DOCK4: variants seen among roughly 807,000 people sequenced by gnomAD.
The protein encoded by DOCK4 is dedicator of cytokinesis protein 4.
DOCK4 carries 97 observed loss-of-function variants against 268.1 expected under a neutral mutation model. The observed-to-expected ratio is 0.36, with a 90% CI of 0.31 to 0.43. DOCK4 has a LOEUF of 0.43. DOCK4 is among the 20% of genes least tolerant of loss of function. The pLI is 1.00. For synonymous variants in DOCK4, 954 were observed against 887.2 expected, an observed-to-expected ratio of 1.08 and a Z score of -1.34; for missense variants, 2,145 against 2,455.7, an observed-to-expected ratio of 0.87 and a Z score of 2.67.
intron 30 of DOCK4, chr7:111,801,690 T>C (rs1719664289): frequency 8.3e-6 from 1 of 120,476 alleles, no homozygotes; most frequent in Admixed American, 7.5e-5. Flanking sequence ...TTTTTTCCTT[T>C]TTTTTTTTTT....
At chr7:111,784,466 G>A (rs1352569633) in intron 32 of DOCK4, 6 of 523,088 alleles carry the variant, frequency 1.1e-5, no homozygotes, top group African/African-American at 3.8e-5. Flanking sequence ...CTGGTATGAC[G>A]TTTTGCGTTT....
At chr7:111,780,102 G>A (rs1328545667) in intron 35 of DOCK4, among the ~76,000 whole-genome samples, 1 of 152,144 alleles carries the variant, frequency 6.6e-6, no homozygotes, top group African/African-American at 2.4e-5. Context: ...ATAATGGACC[G>A]ATCTAGCAAA....
At chr7:111,810,243 G>C (rs1421147061) in intron 28 of DOCK4, among the ~76,000 whole-genome samples, 1 of 151,918 alleles carries the variant, frequency 6.6e-6, no homozygotes, top group Non-Finnish European at 1.5e-5. Context: ...CACAAGGTCA[G>C]GAGTTCGAGA....
chr7:111,858,310 T>C (rs1334223967), intron 23 of DOCK4, among the ~76,000 whole-genome samples: 1 of 152,244 alleles, frequency 6.6e-6, no homozygotes, highest in Non-Finnish European at 1.5e-5. Flanking sequence ...TCTGCTTTTT[T>C]CTCCTTGGGA....
At chr7:112,085,402 C>A (rs1380331088) in intron 1 of DOCK4, among the ~76,000 whole-genome samples, 1 of 147,682 alleles carries the variant, frequency 6.8e-6, no homozygotes, top group Non-Finnish European at 1.5e-5. Flanking sequence ...GATTGAAAGA[C>A]ATCTAATATA....
intron 13 of DOCK4, among the ~76,000 whole-genome samples, chr7:111,915,396 C>T (rs1029523278): frequency 6.6e-6 from 1 of 152,122 alleles, no homozygotes. Flanking sequence ...CTTAGGATAT[C>T]CTCTAAGCAT....
At position 111,877,079 on chromosome 7, in the gene DOCK4, C is replaced by G. The variant is rs149771026; in HGVS notation, c.1695G>C (p.Glu565Asp). Reference sequence around the variant, plus strand: ...AGAGAAAAGATGTAATACAAAAGGACTCCTTTGTGGCCTTCATGGCTTGAT... The same window carrying G: ...AGAGAAAAGATGTAATACAAAAGGAGTCCTTTGTGGCCTTCATGGCTTGAT... ...NNNQAMKATKESFCITSFLCS... is the reference protein window; with the variant it reads ...NNNQAMKATKDSFCITSFLCS... Residue 565 changes from glutamate to aspartate, a missense_variant, in exon 17 of 53, where the codon GAG (glutamate) becomes GAC (aspartate). By Grantham distance (45) the Glu-to-Asp change is conservative. This residue lies in a region of DOCK4 where 1,598 missense variants were observed against 1,986.7 expected (regional missense o/e 0.80). Coordinates refer to ENST00000428084, the MANE Select transcript of DOCK4 (RefSeq NM_001363540.2). 6.3e-7 allele frequency: 1 copy of G among 1,578,352 alleles called. No homozygotes were observed. The highest frequency in any genetic ancestry group is 1.2e-5 in the South Asian group (1 of 84,398).
At position 111,936,489 on chromosome 7, in the gene DOCK4, G is replaced by GGATGA. The variant is rs1562910756; in HGVS notation, c.978-862_978-861insTCATC. On this transcript the variant is annotated intron_variant, in intron 11 of 52. Transcript: ENST00000428084. Reference sequence around the variant, plus strand: ...TTAAAAACTGTCAGTGGTATGAATGGATGGATGGATGGATGGATGGATGGA... The same window carrying GGATGA: ...TTAAAAACTGTCAGTGGTATGAATGGGATGAATGGATGGATGGATGGATGGATGGA... Among the ~76,000 whole-genome samples the GGATGA allele has an allele frequency of 6.1e-5, 4 of 65,758 alleles. No individual in the cohort carries two copies. The African/African-American group carries it at 7.4e-4, about 12-fold the overall frequency. The allele number at this position is 65,758 out of a possible 152,430, so 43.1% of individuals were successfully genotyped here.
chr7:112,062,434 T>C (rs1806506691), intron 1 of DOCK4, among the ~76,000 whole-genome samples: 1 of 152,180 alleles, frequency 6.6e-6, no homozygotes, highest in East Asian at 1.9e-4. Flanking sequence ...AATCTTATAT[T>C]CCAAAGTGAA....
In DOCK4 at chr7:111,872,493, C is replaced by G; in HGVS notation, c.1816G>C (p.Glu606Gln). The G allele has an allele frequency of 1.2e-6, 2 of 1,600,844 alleles. No individual in the cohort carries two copies. Among genetic ancestry groups the G allele is most frequent in the East Asian group, 2.2e-5 (1 of 44,700 alleles). Reference sequence around the variant, plus strand: ...TTTACTATCTCTGAGCCATCAATTTCTTTTAATTTAGAGAGACAGCCAGTG... The same window carrying G: ...TTTACTATCTCTGAGCCATCAATTTGTTTTAATTTAGAGAGACAGCCAGTG... Reference protein sequence around the residue: ...KITGCLSKLKEIDGSEIVKFL... With the variant: ...KITGCLSKLKQIDGSEIVKFL... Residue 606 changes from glutamate (E) to glutamine (Q), a missense_variant, in exon 18 of 53, where the codon GAA (glutamate) becomes CAA (glutamine). Around this residue, in one of 2 missense-constraint regions of DOCK4, gnomAD observed 1,598 missense variants for 1,986.7 expected, o/e 0.80. Coordinates refer to ENST00000428084, the MANE Select transcript of DOCK4 (RefSeq NM_001363540.2).
At chr7:111,731,103 GTGAA>G (rs1184455616) in intron 52 of DOCK4, among the ~76,000 whole-genome samples, 2 of 152,176 alleles carry the variant, frequency 1.3e-5, no homozygotes, top group Non-Finnish European at 2.9e-5. Flanking sequence ...GACTTCCAGA[GTGAA>G]TGCTGTCACA....
chr7:111,894,851 C>A (rs1808606387), intron 16 of DOCK4, among the ~76,000 whole-genome samples: 1 of 152,152 alleles, frequency 6.6e-6, no homozygotes, highest in Admixed American at 6.5e-5. Context: ...ATGGCTGGAT[C>A]TGCTCCTTAG....
In DOCK4 at chr7:111,998,550, G is replaced by A. The variant is rs1391494417; in HGVS notation, c.163-47C>T. ...TTACGATGCCGGCTGTTAAGGCAGG[G>A]TTGGTTTCACAAGTCATTTGTATAA... On this transcript the variant is annotated intron_variant, in intron 3 of 52. Coordinates refer to ENST00000428084, the MANE Select transcript of DOCK4 (RefSeq NM_001363540.2). 14 of 1,498,432 alleles carry A rather than the reference G, an allele frequency of 9.3e-6. No homozygotes were observed. In the South Asian group the frequency reaches 1.8e-4, roughly 19 times the overall value. 92.8% of individuals were successfully genotyped at this position (1,498,432 alleles called of 1,614,324 possible).
Position 111,880,551 on chromosome 7 carries a change from A to C in DOCK4, c.1588-3365T>G, listed in dbSNP as rs115421269. Among the ~76,000 whole-genome samples, 542 of 152,340 alleles carry C rather than the reference A, an allele frequency of 3.6e-3. 5 individuals are homozygous for C. Among genetic ancestry groups the C allele is most frequent in the African/African-American group, 0.012 (518 of 41,568 alleles). ...GGTAATAGTAAACACACAGAAAAACACAGAATAGTATAATGCCGTAATTGT... is the reference window on the plus strand; with the variant it reads ...GGTAATAGTAAACACACAGAAAAACCCAGAATAGTATAATGCCGTAATTGT... On this transcript the variant is annotated intron_variant, in intron 16 of 52. Coordinates refer to ENST00000428084, the MANE Select transcript of DOCK4 (RefSeq NM_001363540.2).
At chr7:112,126,619 G>A (rs962105160) in intron 1 of DOCK4, among the ~76,000 whole-genome samples, 3 of 152,150 alleles carry the variant, frequency 2.0e-5, no homozygotes, top group African/African-American at 7.2e-5. Context: ...GAGTCAACAG[G>A]CAACCTACAA....
rs932365953 is a variant in DOCK4 at position 112,135,361 on chromosome 7, C to G, written c.37+70741G>C. Among the ~76,000 whole-genome samples the G allele has an allele frequency of 2.0e-5, 3 of 152,186 alleles. No individual in the cohort carries two copies. The South Asian group carries it at 6.2e-4, about 32-fold the overall frequency. On this transcript the variant is annotated intron_variant, in intron 1 of 52. Transcript: ENST00000428084. The stretch of plus-strand genomic sequence containing the variant: ...AAAACTAAGCATCTATCTATTCTTA[C>G]TTCTTCTCATTATACTTCCCTGATG...
At position 111,735,113 on chromosome 7, in the gene DOCK4, T is replaced by A; in HGVS notation, c.5360A>T (p.Asn1787Ile). Residue 1787 changes from asparagine to isoleucine, a missense_variant, in exon 51 of 53, where the codon AAC becomes ATC. Coordinates refer to ENST00000428084, the MANE Select transcript of DOCK4 (RefSeq NM_001363540.2). Reference sequence around the variant, plus strand: ...GATAAGTTTCCCACTATCCGACATGTTCTTGGCTTCCTTCCCACTGTCCAG... The same window carrying A: ...GATAAGTTTCCCACTATCCGACATGATCTTGGCTTCCTTCCCACTGTCCAG... ...WSLDSGKEAK[N>I]MSDSGKLISP... 6.2e-7 allele frequency: 1 copy of A among 1,602,102 alleles called. No individual in the cohort carries two copies. The highest frequency in any genetic ancestry group is 8.5e-7 in the Non-Finnish European group (1 of 1,174,252).
chr7:112,142,524 G>A (rs1815030816), intron 1 of DOCK4, among the ~76,000 whole-genome samples: 1 of 152,170 alleles, frequency 6.6e-6, no homozygotes. Context: ...CATTTCTAAT[G>A]AATGGCCTTG....
chr7:111,801,671 T>G (rs537202131), intron 30 of DOCK4: 2 of 151,758 alleles, frequency 1.3e-5, no homozygotes, highest in South Asian at 4.2e-4. Context: ...AAACTTTTTA[T>G]TTCTTTTCTT....
Sources: gnomAD v4.1 joint callset for allele counts (sites outside exome capture counted in the v4.1 genomes callset) on GRCh38, gnomAD v4.1.1 for gene constraint, gnomAD v4.1.1 regional missense constraint, MANE v1.5 for transcripts, NCBI Gene and HGNC (gene_info 2026-07-23, HGNC 2026-07-21) for gene names.